The following DCLRE1A variants were observed in gnomAD, a reference collection of about 807,000 sequenced individuals.
DCLRE1A encodes DNA cross-link repair 1A.
Under a neutral mutation model 91.9 loss-of-function variants are expected in DCLRE1A, and 64 were observed. The ratio of observed to expected loss-of-function variants is 0.70; its 90% confidence interval spans 0.57 to 0.86. The LOEUF is 0.86. DCLRE1A is among the 40% of genes least tolerant of loss of function. The probability of loss-of-function intolerance (pLI) is 0.00; values close to 1 mark genes in which losing one functional copy is unlikely to be tolerated. For missense variants in DCLRE1A, 1,145 were observed against 1,213.3 expected (o/e 0.94, Z 0.84); for synonymous variants, 416 against 431.1 (o/e 0.96, Z 0.43).
At chr10:113,838,529 C>T (rs2134647316) in intron 7 of DCLRE1A, among the ~76,000 whole-genome samples, 1 of 152,214 alleles carries the variant, frequency 6.6e-6, no homozygotes, top group Non-Finnish European at 1.5e-5. Context: ...GCCAAATCTA[C>T]AGAAAAAAAG....
In DCLRE1A at chr10:113,849,123, G is replaced by A. The variant is rs940385031; in HGVS notation, c.1982C>T (p.Ser661Phe). 9 of 1,613,908 alleles carry A rather than the reference G, an allele frequency of 5.6e-6. No individual in the cohort carries two copies. Among genetic ancestry groups the A allele is most frequent in the Non-Finnish European group, 6.8e-6 (8 of 1,180,004 alleles). ...GACTTTACTTAAATTGACTGCTTCA[G>A]ATTCTGTATTAATAAGGTGATCTGA... ...KRSDHLINTE[S>F]EAVNLSKVKV... is the part of the protein sequence containing the mutation. The change falls in exon 2 of 9, where the codon TCT (serine) becomes TTT (phenylalanine). Residue 661 changes from serine (S) to phenylalanine (F), a missense_variant. Physicochemically the swap from Ser to Phe is radical, Grantham distance 155. Coordinates refer to ENST00000361384, the MANE Select transcript of DCLRE1A (RefSeq NM_014881.5).
intron 7 of DCLRE1A, among the ~76,000 whole-genome samples, chr10:113,838,489 T>C (rs896793527): frequency 2.6e-5 from 4 of 152,124 alleles, no homozygotes; most frequent in Non-Finnish European, 5.9e-5. Context: ...GCTTGTACCA[T>C]AAACAAAAAC....
In DCLRE1A at chr10:113,837,162, A is replaced by G. The variant is rs1379220093; in HGVS notation, c.2862T>C (p.Asn954=). Residue 954 remains asparagine (N), a synonymous_variant, in exon 8 of 9, where the codon AAT becomes AAC. Coordinates refer to ENST00000361384, the MANE Select transcript of DCLRE1A (RefSeq NM_014881.5). ...CTGTAGGTCGAAATGCCAAAATCTG[A>G]TTGTATTTCCCACCACACTTCTTCA... The part of the protein sequence containing the change: ...SHLKKCGGKY[N]QILAFRPTGW... The G allele has an allele frequency of 6.2e-7, 1 of 1,613,240 alleles. No individual in the cohort carries two copies. The highest frequency in any genetic ancestry group is 8.5e-7 in the Non-Finnish European group (1 of 1,179,736).
intron 6 of DCLRE1A, 130 bp from the exon 7 acceptor site, chr10:113,841,690 A>T (rs974715056): frequency 2.8e-5 from 25 of 900,602 alleles, no homozygotes; most frequent in Non-Finnish European, 4.1e-5. Flanking sequence ...TTTTACCATG[A>T]TATCTCAAAA....
At chr10:113,845,862 A>G (rs1383623282) in intron 3 of DCLRE1A, 59 bp from the exon 4 acceptor site, 4 of 1,351,564 alleles carry the variant, frequency 3.0e-6, no homozygotes, top group Non-Finnish European at 4.3e-6. Context: ...TTTATTTCAT[A>G]TCTAGTTTAG....
rs539398104 is a variant in DCLRE1A at position 113,837,997 on chromosome 10, T to A, written c.2821-794A>T. On this transcript the variant is annotated intron_variant, in intron 7 of 8. Transcript: ENST00000361384. ...AGTTTCAAAGACTTAGAATGAATAA[T>A]AAAATTCATTTTATTGATGAATTGG... Among the ~76,000 whole-genome samples the A allele has an allele frequency of 3.3e-5, 5 of 152,264 alleles. No homozygotes were observed. The South Asian group carries it at 1.0e-3, about 32-fold the overall frequency.
At chr10:113,854,100 C>T (rs1324935255), upstream of DCLRE1A, 1 of 152,272 alleles carries the variant, frequency 6.6e-6, no homozygotes. Context: ...CCTCAGAGTC[C>T]TGCCCTTCTG....
At chr10:113,845,484 G>C (rs1310553115) in intron 4 of DCLRE1A, among the ~76,000 whole-genome samples, 1 of 152,204 alleles carries the variant, frequency 6.6e-6, no homozygotes, top group Non-Finnish European at 1.5e-5. Flanking sequence ...AAATGGGTTA[G>C]ATAACATTTA....
At chr10:113,842,304 A>G (rs1845457065) in intron 6 of DCLRE1A, 39 bp downstream of exon 6, 1 of 1,523,050 alleles carries the variant, frequency 6.6e-7, no homozygotes, top group South Asian at 1.3e-5. Context: ...TCTGATCTTT[A>G]TAATATATTA....
At chr10:113,841,302 T>C (rs1845441207) in intron 7 of DCLRE1A, 104 bp downstream of exon 7, 3 of 1,335,598 alleles carry the variant, frequency 2.2e-6, no homozygotes, top group South Asian at 2.9e-5. Context: ...AATTTTACTA[T>C]GGGTGACTCT....
chr10:113,840,247 T>G (rs1031763783), intron 7 of DCLRE1A, among the ~76,000 whole-genome samples: 1 of 150,412 alleles, frequency 6.6e-6, no homozygotes, highest in Admixed American at 6.6e-5. Context: ...TGAGCCAAGG[T>G]TGCACCACTG....
chr10:113,850,073 A>T lies in DCLRE1A; in HGVS notation c.1032T>A (p.Phe344Leu), dbSNP rs752912107. 10 of 1,613,184 alleles carry T rather than the reference A, an allele frequency of 6.2e-6. No homozygotes were observed. The Admixed American group carries it at 1.2e-4, about 19-fold the overall frequency. Residue 344 changes from phenylalanine to leucine, a missense_variant, in exon 2 of 9, where the codon TTT (phenylalanine) becomes TTA (leucine). Physicochemically the swap from Phe to Leu is conservative, Grantham distance 22 (BLOSUM62 0). Coordinates refer to ENST00000361384, the MANE Select transcript of DCLRE1A (RefSeq NM_014881.5). Reference sequence around the variant, plus strand: ...TCAGTAAGGGACCATGTCGTTTTTTAAAAAAACCACAGCTGTCATCATCTT... The same window carrying T: ...TCAGTAAGGGACCATGTCGTTTTTTTAAAAAACCACAGCTGTCATCATCTT... Reference protein sequence around the residue: ...LEEDDDSCGFFKKRHGPLLKD... With the variant: ...LEEDDDSCGFLKKRHGPLLKD...
intron 1 of DCLRE1A, among the ~76,000 whole-genome samples, chr10:113,852,177 A>T (rs1845660747): frequency 6.6e-6 from 1 of 152,198 alleles, no homozygotes; most frequent in Admixed American, 6.5e-5. Flanking sequence ...TCTACTAAAA[A>T]TACAAAAAAT....
intron 3 of DCLRE1A, 97 bp downstream of exon 3, chr10:113,847,105 A>G (rs1845550452): frequency 1.7e-6 from 2 of 1,187,088 alleles, no homozygotes; most frequent in Admixed American, 2.6e-5. Flanking sequence ...TTCTAGTAGA[A>G]TGAAAGATCT....
intron 5 of DCLRE1A, among the ~76,000 whole-genome samples, chr10:113,843,795 T>C (rs1186781626): frequency 6.6e-6 from 1 of 152,236 alleles, no homozygotes; most frequent in African/African-American, 2.4e-5. Flanking sequence ...ACAGTTACTC[T>C]GAAAGGACAA....
rs369841166 is a variant in DCLRE1A, at chr10:113,835,139, C to A, written c.*13G>T. ...CAAGGAACTTAACTACTACTGAATC[C>A]TCGGAGGTATCATCAATATCCAGCT... On this transcript the variant is annotated 3_prime_UTR_variant, in exon 9 of 9. Transcript: ENST00000361384. 5.6e-6 allele frequency: 9 copies of A among 1,610,692 alleles called. No individual in the cohort carries two copies. In the African/African-American group the frequency reaches 1.2e-4, roughly 22 times the overall value.
rs1195091574 is a variant in DCLRE1A, at chr10:113,853,005, C to T, written c.178G>A (p.Val60Met). ...CCAAGGGGCACTTCATGGTCCTTCACCTCTTTAGCTTCTGCGGCTCTTTTT... is the reference window on the plus strand; with the variant it reads ...CCAAGGGGCACTTCATGGTCCTTCATCTCTTTAGCTTCTGCGGCTCTTTTT... ...NRKRAAEAKE[V>M]KDHEVPLGNA... The change falls in exon 1 of 9, where the codon GTG becomes ATG. Residue 60 changes from valine to methionine, a missense_variant. By Grantham distance (21) the Val-to-Met change is conservative. Coordinates refer to ENST00000361384, the MANE Select transcript of DCLRE1A (RefSeq NM_014881.5). The T allele has an allele frequency of 6.2e-7, 1 of 1,614,130 alleles. No individual in the cohort carries two copies. Among genetic ancestry groups the T allele is most frequent in the Non-Finnish European group, 8.5e-7 (1 of 1,180,032 alleles).
chr10:113,849,065 C>T lies in DCLRE1A; in HGVS notation c.2040G>A (p.Leu680=), dbSNP rs780571374. ...KVFTKSAHGG[L]QRGNKKIPES... is the part of the protein sequence containing the mutation. ...CTGGGATTTTCTTGTTGCCCCTTTG[C>T]AGCCCACCATGAGCTGATTTTGTGA... Residue 680 remains leucine (L), a synonymous_variant, in exon 2 of 9, where the codon CTG becomes CTA. Transcript: ENST00000361384. The T allele has an allele frequency of 6.2e-7, 1 of 1,614,130 alleles. No individual in the cohort carries two copies. The highest frequency in any genetic ancestry group is 1.1e-5 in the South Asian group (1 of 91,084).
chr10:113,845,620 C>A, intron 4 of DCLRE1A, 65 bp downstream of exon 4: 2 of 1,186,814 alleles, frequency 1.7e-6, no homozygotes, highest in East Asian at 2.4e-5. Flanking sequence ...AGTTATTAAT[C>A]ATGCCAATGT....
Sources: allele counts gnomAD v4.1 joint callset (sites outside exome capture counted in the v4.1 genomes callset), GRCh38; gene constraint gnomAD v4.1.1; transcripts MANE v1.5; gene names NCBI Gene and HGNC (gene_info 2026-07-23, HGNC 2026-07-21).